The following RLN2 variants were observed in gnomAD, a reference collection of about 807,000 sequenced individuals.
The protein encoded by RLN2 is prorelaxin H2.
Under a neutral mutation model 7.3 loss-of-function variants are expected in RLN2, and 10 were observed. The ratio of observed to expected loss-of-function variants is 1.36; its 90% CI spans 0.84 to 2.31. RLN2 has a LOEUF of 2.31. Among genes scored for constraint, RLN2 ranks in the 30% most tolerant of loss-of-function variants. RLN2 has a pLI of 0.00. For synonymous variants in RLN2, 103 were observed against 82.3 expected (o/e 1.25, Z -1.36); for missense variants, 298 against 217.6 (o/e 1.37, Z -2.32).
chr9:5,334,964 T>G, the RLN2 span: 1 of 274,880 alleles, frequency 3.6e-6, no homozygotes, highest in Non-Finnish European at 6.7e-6. Context: ...TTATTATGTA[T>G]GGTTAAAGTG....
the RLN2 span, among the ~76,000 whole-genome samples, chr9:5,324,519 T>G: frequency 2.0e-5 from 3 of 151,976 alleles, no homozygotes; most frequent in African/African-American, 7.3e-5. Context: ...AACCTGATGG[T>G]CCCTGTATTT....
In RLN2 at chr9:5,300,140, G is replaced by A. The variant is rs777626243; in HGVS notation, c.516C>T (p.Cys172=). Residue 172 remains cysteine (C), a synonymous_variant, in exon 2 of 2, where the codon TGC becomes TGT. Transcript: ENST00000381627. ...QLYSALANKC[C]HVGCTKRSLA... ...GAGATCTTTTGGTACAACCAACATG[G>A]CAACATTTATTAGCCAATGCACTGT... 1.1e-5 allele frequency: 17 copies of A among 1,604,750 alleles called. No individual in the cohort carries two copies. The African/African-American group carries it at 1.6e-4, about 15-fold the overall frequency.
At chr9:5,307,070 G>A (rs1038472382), upstream of RLN2, among the ~76,000 whole-genome samples, 2 of 152,024 alleles carry the variant, frequency 1.3e-5, no homozygotes, top group African/African-American at 4.8e-5. Context: ...GGAGCATAAA[G>A]AGGAAGGTCT....
chr9:5,329,581 A>AG, the RLN2 span, among the ~76,000 whole-genome samples: 6 of 66,078 alleles, frequency 9.1e-5, no homozygotes, highest in African/African-American at 8.7e-5. Context: ...GGAAACGGAG[A>AG]GAAAAAAAAA....
chr9:5,308,268 C>A (rs1340645251), upstream of RLN2, among the ~76,000 whole-genome samples: 1 of 151,866 alleles, frequency 6.6e-6, no homozygotes, highest in South Asian at 2.1e-4. Context: ...GCTGGAAATA[C>A]CTTGGTTAAG....
the RLN2 span, among the ~76,000 whole-genome samples, chr9:5,317,260 T>C: frequency 6.6e-6 from 1 of 152,022 alleles, no homozygotes; most frequent in Non-Finnish European, 1.5e-5. Context: ...CCAATCAAAA[T>C]ACATAAAGTG....
At chr9:5,309,390 T>G (rs1219136376), upstream of RLN2, among the ~76,000 whole-genome samples, 2 of 152,036 alleles carry the variant, frequency 1.3e-5, no homozygotes, top group African/African-American at 4.8e-5. Context: ...ACTTCACAGC[T>G]GGCTTCTACA....
Position 5,304,573 on chromosome 9 carries a change from C to T in RLN2, c.8G>A (p.Arg3His). 1 of 1,613,762 alleles carries T rather than the reference C, an allele frequency of 6.2e-7. No individual in the cohort carries two copies. The highest frequency in any genetic ancestry group is 8.5e-7 in the Non-Finnish European group (1 of 1,179,850). ...TCCTAGCAGGTGGAAAAAAAACAGG[C>T]GAGGCATCCTGGGCCTGGTCTCTCC... is the stretch of plus-strand genomic sequence containing the variant. The part of the protein sequence containing the change: MP[R>H]LFFFHLLGVC... The change falls in exon 1 of 2, where the codon CGC becomes CAC. Residue 3 changes from arginine (R) to histidine (H), a missense_variant. By Grantham distance (29) the Arg-to-His change is conservative (BLOSUM62 0). Coordinates refer to ENST00000381627, the MANE Select transcript of RLN2 (RefSeq NM_134441.3).
chr9:5,305,725 G>A (rs1257899576), upstream of RLN2, among the ~76,000 whole-genome samples: 1 of 151,970 alleles, frequency 6.6e-6, no homozygotes, highest in Non-Finnish European at 1.5e-5. Context: ...AGATAAACTG[G>A]AGACATGCAG....
chr9:5,304,368 A>G lies in RLN2; in HGVS notation c.211+2T>C, dbSNP rs1325317039. ...AGGCCGGGAGGGGGCGGGAGCTCTC[A>G]CCTGCCACTGGTCTAGGTGTCTGAG... On this transcript the variant is annotated splice_donor_variant, in intron 1 of 1. Coordinates refer to ENST00000381627, the MANE Select transcript of RLN2 (RefSeq NM_134441.3). LOFTEE classifies it high-confidence loss of function. 3 of 1,586,394 alleles carry G rather than the reference A, an allele frequency of 1.9e-6. No individual in the cohort carries two copies. The highest frequency in any genetic ancestry group is 2.9e-5 in the African/African-American group (2 of 69,796).
At chr9:5,329,031 C>T in the RLN2 span, among the ~76,000 whole-genome samples, 3 of 151,850 alleles carry the variant, frequency 2.0e-5, no homozygotes, top group African/African-American at 4.8e-5. Context: ...CGGCCGGGTG[C>T]GGTGGCTCAC....
chr9:5,330,262 G>A, the RLN2 span, among the ~76,000 whole-genome samples: 4 of 152,188 alleles, frequency 2.6e-5, 1 homozygote, highest in Admixed American at 2.6e-4. Flanking sequence ...TTAAAGCAGT[G>A]TGTAGAAGAA....
At chr9:5,318,170 G>C in the RLN2 span, among the ~76,000 whole-genome samples, 1 of 151,976 alleles carries the variant, frequency 6.6e-6, no homozygotes, top group Non-Finnish European at 1.5e-5. Context: ...ACTGCACCCA[G>C]TCAAAATTTC....
Position 5,299,934 on chromosome 9 carries a change from A to T in RLN2, c.*164T>A, listed in dbSNP as rs922385223. Reference sequence around the variant, plus strand: ...CTTACACATCAAATAAAAAAATCTAAACATCAACAAAGATGTTTAGATATT... The same window carrying T: ...CTTACACATCAAATAAAAAAATCTATACATCAACAAAGATGTTTAGATATT... On this transcript the variant is annotated 3_prime_UTR_variant, in exon 2 of 2. Transcript: ENST00000381627. 1 of 451,042 alleles carries T rather than the reference A, an allele frequency of 2.2e-6. No homozygotes were observed. Among genetic ancestry groups the T allele is most frequent in the Middle Eastern group, 5.6e-4 (1 of 1,792 alleles). The allele number at this position is 451,042 out of a possible 1,614,324, so 27.9% of individuals were successfully genotyped here.
chr9:5,314,333 G>A, the RLN2 span, among the ~76,000 whole-genome samples: 7 of 152,018 alleles, frequency 4.6e-5, no homozygotes, highest in African/African-American at 1.7e-4. Context: ...CCAAGCTGCA[G>A]TGGAGATGCT....
the RLN2 span, among the ~76,000 whole-genome samples, chr9:5,330,124 C>T: frequency 6.6e-6 from 1 of 152,000 alleles, no homozygotes; most frequent in Non-Finnish European, 1.5e-5. Context: ...AACTGCACAA[C>T]TACATGGAAA....
At chr9:5,330,105 C>T in the RLN2 span, among the ~76,000 whole-genome samples, 2 of 152,026 alleles carry the variant, frequency 1.3e-5, no homozygotes, top group African/African-American at 4.8e-5. Flanking sequence ...GATTAAGAAA[C>T]TCACTCAAAA....
upstream of RLN2, among the ~76,000 whole-genome samples, chr9:5,306,102 G>T (rs949550291): frequency 7.7e-3 from 954 of 123,352 alleles, 20 homozygotes; most frequent in African/African-American, 0.029. Context: ...CTTTGTTTTT[G>T]TTTTTTGTTT....
In RLN2 at chr9:5,300,151, T is replaced by G. The variant is rs1433321554; in HGVS notation, c.505A>C (p.Asn169His). 2 of 1,605,272 alleles carry G rather than the reference T, an allele frequency of 1.2e-6. No homozygotes were observed. Among genetic ancestry groups the G allele is most frequent in the African/African-American group, 1.3e-5 (1 of 74,278 alleles). The change falls in exon 2 of 2, where the codon AAT becomes CAT. Residue 169 changes from asparagine (N) to histidine (H), a missense_variant. Physicochemically the swap from Asn to His is moderately conservative, Grantham distance 68. Transcript: ENST00000381627. Reference sequence around the variant, plus strand: ...GTACAACCAACATGGCAACATTTATTAGCCAATGCACTGTAGAGTTGTCTC... The same window carrying G: ...GTACAACCAACATGGCAACATTTATGAGCCAATGCACTGTAGAGTTGTCTC... ...KKRQLYSALA[N>H]KCCHVGCTKR... is the part of the protein sequence containing the mutation.
Sources: allele counts gnomAD v4.1 joint callset (sites outside exome capture counted in the v4.1 genomes callset), GRCh38; gene constraint gnomAD v4.1.1; transcripts MANE v1.5; gene names NCBI Gene and HGNC (gene_info 2026-07-23, HGNC 2026-07-21).